Variants in SUPT20H observed in about 807,000 individuals in gnomAD.
SUPT20H encodes the protein SPT20 homolog, SAGA complex component.
In SUPT20H, 82 loss-of-function variants were observed where a neutral mutation model predicts 122.8. That is an observed-to-expected ratio of 0.67 (90% CI 0.56 to 0.80). The LOEUF is 0.80. Ranked by LOEUF, SUPT20H falls within the 30% of genes least tolerant of loss-of-function variation. The pLI is 0.00. For missense variants in SUPT20H, 831 were observed against 921.6 expected (o/e 0.90, Z 1.27); for synonymous variants, 291 against 313.0 (o/e 0.93, Z 0.74).
Position 37,031,857 on chromosome 13 carries a change from T to G in SUPT20H, c.746A>C (p.Gln249Pro). 6.2e-6 allele frequency: 10 copies of G among 1,604,466 alleles called. No individual in the cohort carries two copies. Among genetic ancestry groups the G allele is most frequent in the Non-Finnish European group, 8.5e-6 (10 of 1,177,274 alleles). Residue 249 changes from glutamine to proline, a missense_variant, in exon 11 of 26, where the codon CAG (glutamine) becomes CCG (proline). Gln to Pro is a moderately conservative substitution (Grantham distance 76, BLOSUM62 -1). Coordinates refer to ENST00000350612, the MANE Select transcript of SUPT20H (RefSeq NM_001014286.3). ...AGGTGGACAATGAGATAGATCTTGC[T>G]GCCGATTCAGAGAGGATCTGGAATA... ...KRYSRSSLNR[Q>P]QDLSHCPPPP...
chr13:37,035,642 C>T lies in SUPT20H; in HGVS notation c.568-2054G>A, dbSNP rs530731165. 1.3e-3 allele frequency among the ~76,000 whole-genome samples: 194 copies of T among 152,006 alleles called. 1 individual carries two copies. The highest frequency in any genetic ancestry group is 4.2e-3 in the African/African-American group (173 of 41,464). On this transcript the variant is annotated intron_variant, in intron 9 of 25. Coordinates refer to ENST00000350612, the MANE Select transcript of SUPT20H (RefSeq NM_001014286.3). ...TTCAAGCAATTCTTGAATTGCTACTCGGCCTAAGCCTCCCGAGTAGCTGGG... is the reference window on the plus strand; with the variant it reads ...TTCAAGCAATTCTTGAATTGCTACTTGGCCTAAGCCTCCCGAGTAGCTGGG...
At position 37,021,961 on chromosome 13, in the gene SUPT20H, G is replaced by C. The variant is rs1277608238; in HGVS notation, c.1661+50C>G. The C allele has an allele frequency of 4.0e-6, 6 of 1,501,432 alleles. No homozygotes were observed. The African/African-American group carries it at 8.4e-5, about 21-fold the overall frequency. The allele number at this position is 1,501,432 out of a possible 1,614,324, so 93.0% of individuals were successfully genotyped here. On this transcript the variant is annotated intron_variant, in intron 20 of 25. Coordinates refer to ENST00000350612, the MANE Select transcript of SUPT20H (RefSeq NM_001014286.3). ...CACACATTAAGAATTTATTTAGATT[G>C]GTGAAACTATCTTTATAAAAAAAAA...
intron 17 of SUPT20H, 187 bp downstream of exon 17, chr13:37,025,133 G>C: frequency 2.0e-6 from 1 of 498,686 alleles, no homozygotes; most frequent in Non-Finnish European, 3.7e-6. Flanking sequence ...GTAGAGATGG[G>C]GTTTCACACT....
At chr13:37,055,553 T>C (rs1020918667) in intron 1 of SUPT20H, among the ~76,000 whole-genome samples, 12 of 152,326 alleles carry the variant, frequency 7.9e-5, no homozygotes, top group African/African-American at 2.9e-4. Context: ...CTGGGAAAAC[T>C]GGCTAGCCAT....
At chr13:37,034,132 T>A (rs2138221391) in intron 9 of SUPT20H, among the ~76,000 whole-genome samples, 1 of 152,252 alleles carries the variant, frequency 6.6e-6, no homozygotes, top group Non-Finnish European at 1.5e-5. Context: ...AATATTTAAA[T>A]TAGGCAAAAA....
intron 23 of SUPT20H, among the ~76,000 whole-genome samples, chr13:37,015,559 C>T (rs1031698379): frequency 3.3e-5 from 5 of 151,228 alleles, no homozygotes; most frequent in African/African-American, 4.9e-5. Context: ...TTGGACAAAT[C>T]GAGATCTCTG....
At chr13:37,045,457 G>C (rs751571161) in intron 5 of SUPT20H, 84 bp from the exon 6 acceptor site, 70 of 1,514,106 alleles carry the variant, frequency 4.6e-5, no homozygotes, top group Non-Finnish European at 6.0e-5. Flanking sequence ...AATCAGGCTT[G>C]AATTAACCTT....
chr13:37,051,659 ATAAT>A, intron 1 of SUPT20H, 76 bp from the exon 2 acceptor site: 1 of 481,360 alleles, frequency 2.1e-6, no homozygotes, highest in Non-Finnish European at 3.8e-6. Context: ...TACATATTTC[ATAAT>A]TAACAAGGAA....
At chr13:37,037,758 G>A (rs948506672) in intron 9 of SUPT20H, among the ~76,000 whole-genome samples, 56 of 152,016 alleles carry the variant, frequency 3.7e-4, no homozygotes, top group Non-Finnish European at 5.9e-5. Context: ...CAAACATACA[G>A]GCTCTTTACT....
At chr13:37,036,914 G>T (rs1004986835) in intron 9 of SUPT20H, among the ~76,000 whole-genome samples, 1 of 151,854 alleles carries the variant, frequency 6.6e-6, no homozygotes, top group East Asian at 1.9e-4. Flanking sequence ...CATGTTAATC[G>T]CCAGGCATGG....
In SUPT20H at chr13:37,025,409, G is replaced by C. The variant is rs2062076498; in HGVS notation, c.1240C>G (p.Gln414Glu). The change falls in exon 17 of 26, where the codon CAG becomes GAG. Residue 414 changes from glutamine (Q) to glutamate (E), a missense_variant. By Grantham distance (29) the Gln-to-Glu change is conservative (BLOSUM62 2). Transcript: ENST00000350612. ...TTGACCGGACATTTGGCTTCATTCT[G>C]GACTAATTCTTGGTACTGATTGACT... Reference protein sequence around the residue: ...RVVNQYQELVQNEAKCPVKMS... With the variant: ...RVVNQYQELVENEAKCPVKMS... 1 of 1,613,578 alleles carries C rather than the reference G, an allele frequency of 6.2e-7. No homozygotes were observed. Among genetic ancestry groups the C allele is most frequent in the Non-Finnish European group, 8.5e-7 (1 of 1,179,690 alleles).
intron 16 of SUPT20H, chr13:37,025,686 AC>A: frequency 2.9e-6 from 1 of 345,258 alleles, no homozygotes; most frequent in South Asian, 3.4e-5. Flanking sequence ...TATTTCTAAT[AC>A]AGAAATTACA....
chr13:37,024,355 C>G lies in SUPT20H; in HGVS notation c.1417G>C (p.Gly473Arg), dbSNP rs1480582490. Residue 473 changes from glycine to arginine, a missense_variant, in exon 18 of 26, where the codon GGA (glycine) becomes CGA (arginine). Gly to Arg is a moderately radical substitution (Grantham distance 125, BLOSUM62 -2). Coordinates refer to ENST00000350612, the MANE Select transcript of SUPT20H (RefSeq NM_001014286.3). The stretch of plus-strand genomic sequence containing the variant: ...AATGTAATACCTGAGGAACTATTTC[C>G]TGAGCTTGAGGGAAGTTTGATTGGT... ...PPPIKLPSSS[G>R]NSSSGNYFTP... is the part of the protein sequence containing the mutation. 1 of 1,587,194 alleles carries G rather than the reference C, an allele frequency of 6.3e-7. No homozygotes were observed. Among genetic ancestry groups the G allele is most frequent in the Non-Finnish European group, 8.5e-7 (1 of 1,170,492 alleles).
At chr13:37,054,563 A>G (rs2068513866) in intron 1 of SUPT20H, among the ~76,000 whole-genome samples, 3 of 152,220 alleles carry the variant, frequency 2.0e-5, no homozygotes, top group African/African-American at 7.2e-5. Flanking sequence ...ACGAAATTCA[A>G]CAACGCTTCA....
At chr13:37,038,023 T>A (rs1436133806) in intron 9 of SUPT20H, 1 of 151,916 alleles carries the variant, frequency 6.6e-6, no homozygotes, top group Admixed American at 6.6e-5. Flanking sequence ...TGGCTTGATT[T>A]AATATGGGCT....
chr13:37,049,604 T>C (rs2067221434), intron 2 of SUPT20H, among the ~76,000 whole-genome samples: 1 of 152,182 alleles, frequency 6.6e-6, no homozygotes, highest in Admixed American at 6.5e-5. Flanking sequence ...CTGGGCGTGG[T>C]AGCACGCGCC....
At chr13:37,040,367 AT>A (rs2065255923) in intron 9 of SUPT20H, 37 bp downstream of exon 9, 1 of 1,526,950 alleles carries the variant, frequency 6.5e-7, no homozygotes, top group Non-Finnish European at 8.8e-7. Flanking sequence ...TTCATCCTAT[AT>A]TTTGCCTGTT....
At chr13:37,021,802 A>G (rs1246183454) in intron 20 of SUPT20H, among the ~76,000 whole-genome samples, 200 bp from the exon 21 acceptor site, 2 of 152,176 alleles carry the variant, frequency 1.3e-5, no homozygotes, top group East Asian at 1.9e-4. Flanking sequence ...AACAAAAACG[A>G]TAAGATGAGA....
intron 19 of SUPT20H, chr13:37,023,815 G>A (rs955792549): frequency 1.8e-5 from 7 of 379,360 alleles, no homozygotes; most frequent in Non-Finnish European, 2.8e-5. Context: ...AAAGGTACAC[G>A]CAGAATGTAT....
Sources: allele counts gnomAD v4.1 joint callset (sites outside exome capture counted in the v4.1 genomes callset), GRCh38; gene constraint gnomAD v4.1.1; transcripts MANE v1.5; gene names NCBI Gene and HGNC (gene_info 2026-07-23, HGNC 2026-07-21).